Variants in ITGA4 observed in about 807,000 individuals in gnomAD.
ITGA4 encodes integrin subunit alpha 4.
Under a neutral mutation model 133.6 loss-of-function variants are expected in ITGA4, and 63 were observed. That is an observed-to-expected ratio of 0.47 (90% CI 0.38 to 0.58). The LOEUF (loss-of-function observed/expected upper bound fraction) is 0.58, where lower values mean the gene tolerates loss of function less well. Among genes scored for constraint, ITGA4 ranks in the 20% least tolerant of loss-of-function variants. ITGA4 has a pLI of 0.00. For missense variants in ITGA4, 1,076 were observed against 1,252.7 expected (o/e 0.86, Z 2.13); for synonymous variants, 483 against 438.0 (o/e 1.10, Z -1.28).
At chr2:181,497,175 T>A (rs1686173699) in intron 14 of ITGA4, among the ~76,000 whole-genome samples, 1 of 152,182 alleles carries the variant, frequency 6.6e-6, no homozygotes. Flanking sequence ...AGACACACAT[T>A]GAGTAGATGA....
chr2:181,531,925 CA>C (rs1686953606), intron 25 of ITGA4, 149 bp downstream of exon 25: 2 of 510,872 alleles, frequency 3.9e-6, no homozygotes, highest in South Asian at 7.5e-5. Flanking sequence ...GTATTTCTAT[CA>C]CTTCAACTAT....
chr2:181,511,364 A>T (rs186255352), intron 16 of ITGA4, among the ~76,000 whole-genome samples: 1 of 152,116 alleles, frequency 6.6e-6, no homozygotes, highest in Non-Finnish European at 1.5e-5. Flanking sequence ...AGCAACAGAA[A>T]ATTGAGAGGA....
chr2:181,475,113 C>G (rs201075106), intron 3 of ITGA4, 46 bp from the exon 4 acceptor site: 62 of 1,613,098 alleles, frequency 3.8e-5, no homozygotes, highest in Non-Finnish European at 4.8e-5. Context: ...ATCAGCTATC[C>G]TGGGTGCAGC....
At position 181,457,767 on chromosome 2, in the gene ITGA4, C is replaced by G; in HGVS notation, c.113C>G (p.Thr38Ser). Residue 38 changes from threonine to serine, a missense_variant, in exon 1 of 28, where the codon ACT becomes AGT. By Grantham distance (58) the Thr-to-Ser change is moderately conservative. Around this residue, in one of 4 missense-constraint regions of ITGA4, gnomAD observed 82 missense variants for 68.3 expected, o/e 1.20. Coordinates refer to ENST00000397033, the MANE Select transcript of ITGA4 (RefSeq NM_000885.6). The stretch of plus-strand genomic sequence containing the variant: ...ACCGGCCGCCCCTACAACGTGGACA[C>G]TGAGAGCGCGCTGCTTTACCAGGGC... ...VPTGRPYNVD[T>S]ESALLYQGPH... 3.1e-6 allele frequency: 5 copies of G among 1,613,706 alleles called. No individual in the cohort carries two copies. Among genetic ancestry groups the G allele is most frequent in the Non-Finnish European group, 4.2e-6 (5 of 1,179,974 alleles).
intron 9 of ITGA4, among the ~76,000 whole-genome samples, chr2:181,483,261 G>T (rs1448639273): frequency 6.6e-6 from 1 of 152,162 alleles, no homozygotes; most frequent in African/African-American, 2.4e-5. Context: ...GTGATAATTT[G>T]TGGTAGAAAC....
Position 181,457,782 on chromosome 2 carries a change from T to C in ITGA4, c.128T>C (p.Leu43Pro). 6.2e-7 allele frequency: 1 copy of C among 1,613,748 alleles called. No individual in the cohort carries two copies. Among genetic ancestry groups the C allele is most frequent in the Non-Finnish European group, 8.5e-7 (1 of 1,179,974 alleles). Residue 43 changes from leucine to proline, a missense_variant, in exon 1 of 28, where the codon CTT becomes CCT. By Grantham distance (98) the Leu-to-Pro change is moderately conservative (BLOSUM62 -3). Coordinates refer to ENST00000397033, the MANE Select transcript of ITGA4 (RefSeq NM_000885.6). Reference sequence around the variant, plus strand: ...AACGTGGACACTGAGAGCGCGCTGCTTTACCAGGGCCCCCACAACACGCTG... The same window carrying C: ...AACGTGGACACTGAGAGCGCGCTGCCTTACCAGGGCCCCCACAACACGCTG... ...PYNVDTESAL[L>P]YQGPHNTLFG...
At position 181,512,886 on chromosome 2, in the gene ITGA4, G is replaced by T. The variant is rs1686532895; in HGVS notation, c.1922+1111G>T. ...TATTTTTATGTATTTATCAAATGTT[G>T]TTATTTGTTCAATTATTAGAAGATG... On this transcript the variant is annotated intron_variant, in intron 17 of 27. Coordinates refer to ENST00000397033, the MANE Select transcript of ITGA4 (RefSeq NM_000885.6). Among the ~76,000 whole-genome samples the T allele has an allele frequency of 2.0e-5, 3 of 152,038 alleles. No individual in the cohort carries two copies. The South Asian group carries it at 6.2e-4, about 31-fold the overall frequency.
intron 2 of ITGA4, among the ~76,000 whole-genome samples, chr2:181,470,969 T>C (rs1685536642): frequency 6.6e-6 from 1 of 151,258 alleles, no homozygotes; most frequent in Non-Finnish European, 1.5e-5. Context: ...GATTCTAACC[T>C]GTAACCAGTA....
At chr2:181,529,746 A>G in intron 23 of ITGA4, 98 bp downstream of exon 23, 2 of 662,958 alleles carry the variant, frequency 3.0e-6, no homozygotes, top group Non-Finnish European at 5.3e-6. Flanking sequence ...GTGAAAATGG[A>G]TAATTGTTAA....
At position 181,534,816 on chromosome 2, in the gene ITGA4, G is replaced by A. The variant is rs778015486; in HGVS notation, c.2884G>A (p.Val962Ile). Reference sequence around the variant, plus strand: ...GTTTTATTTTTCTTAACTCACGTAGGTTCTACTGGAAGGACTACATCATCA... The same window carrying A: ...GTTTTATTTTTCTTAACTCACGTAGATTCTACTGGAAGGACTACATCATCA... ...ELNKDENVAH[V>I]LLEGLHHQRP... The change falls in exon 27 of 28, where the codon GTT (valine) becomes ATT (isoleucine). Residue 962 changes from valine to isoleucine, a missense_variant and splice_region_variant. Transcript: ENST00000397033. 6.3e-7 allele frequency: 1 copy of A among 1,583,660 alleles called. No homozygotes were observed. Among genetic ancestry groups the A allele is most frequent in the South Asian group, 1.2e-5 (1 of 84,690 alleles).
At chr2:181,470,292 A>AT (rs377497998) in intron 2 of ITGA4, among the ~76,000 whole-genome samples, 142 of 149,526 alleles carry the variant, frequency 9.5e-4, no homozygotes, top group African/African-American at 3.2e-3. Flanking sequence ...TTTTCTTGCA[A>AT]TTTTTTTTTT....
chr2:181,514,305 AG>A (rs1015079651), intron 17 of ITGA4, among the ~76,000 whole-genome samples: 21 of 152,230 alleles, frequency 1.4e-4, no homozygotes, highest in African/African-American at 4.8e-4. Context: ...ATAAGTAAAA[AG>A]GTTGACAAAT....
rs1686955669 is a variant in ITGA4 at position 181,532,022 on chromosome 2, C to T, written c.2784+246C>T. On this transcript the variant is annotated intron_variant, in intron 25 of 27. Transcript: ENST00000397033. Reference sequence around the variant, plus strand: ...AGGCACAGTGGCTCATGCCTGTAATCCCAGCACTTTGGGAGGCCAAGGCAG... The same window carrying T: ...AGGCACAGTGGCTCATGCCTGTAATTCCAGCACTTTGGGAGGCCAAGGCAG... Among the ~76,000 whole-genome samples, 3 of 152,106 alleles carry T rather than the reference C, an allele frequency of 2.0e-5. No homozygotes were observed. In the South Asian group the frequency reaches 6.2e-4, roughly 31 times the overall value.
chr2:181,481,463 C>G (rs529686638), intron 6 of ITGA4, 135 bp from the exon 7 acceptor site: 3 of 373,464 alleles, frequency 8.0e-6, no homozygotes, highest in South Asian at 5.3e-5. Context: ...TTGAGTATCT[C>G]TATGCTAAAT....
At chr2:181,524,031 C>T in intron 19 of ITGA4, 140 bp from the exon 20 acceptor site, 1 of 597,944 alleles carries the variant, frequency 1.7e-6, no homozygotes. Flanking sequence ...AATCTTATTG[C>T]CAAGGGAGGA....
Position 181,457,826 on chromosome 2 carries a change from C to T in ITGA4, c.172C>T (p.Leu58=), listed in dbSNP as rs763649216. ...HNTLFGYSVV[L]HSHGANRWLL... ...CACGCTGTTCGGCTACTCGGTCGTGCTGCACAGCCACGGGGCGAACCGATG... is the reference window on the plus strand; with the variant it reads ...CACGCTGTTCGGCTACTCGGTCGTGTTGCACAGCCACGGGGCGAACCGATG... Residue 58 remains leucine (L), a synonymous_variant, in exon 1 of 28, where the codon CTG becomes TTG. Transcript: ENST00000397033. 11 of 1,613,132 alleles carry T rather than the reference C, an allele frequency of 6.8e-6. No homozygotes were observed. Among genetic ancestry groups the T allele is most frequent in the Non-Finnish European group, 8.5e-6 (10 of 1,179,670 alleles).
At chr2:181,489,602 A>G (rs1484442938) in intron 10 of ITGA4, among the ~76,000 whole-genome samples, 2 of 152,178 alleles carry the variant, frequency 1.3e-5, no homozygotes, top group Non-Finnish European at 2.9e-5. Flanking sequence ...AAGCTGTACT[A>G]TTATTTTGTG....
At position 181,538,316 on chromosome 2, in the gene ITGA4, C is replaced by T; in HGVS notation, c.*2789C>T. On this transcript the variant is annotated 3_prime_UTR_variant, in exon 28 of 28. Coordinates refer to ENST00000397033, the MANE Select transcript of ITGA4 (RefSeq NM_000885.6). ...ACATACACCTAATAAGTATGGTACA[C>T]AATGCCAATGCCAAATACAAATTGA... The T allele has an allele frequency of 1.2e-6, 1 of 803,922 alleles. No homozygotes were observed. Among genetic ancestry groups the T allele is most frequent in the South Asian group, 1.5e-5 (1 of 66,872 alleles). The allele number at this position is 803,922 out of a possible 1,614,324, so 49.8% of individuals were successfully genotyped here.
chr2:181,509,855 A>G (rs1559051587), intron 16 of ITGA4, 48 bp downstream of exon 16: 1 of 1,393,384 alleles, frequency 7.2e-7, no homozygotes, highest in Non-Finnish European at 1.0e-6. Flanking sequence ...ATTTAACTAA[A>G]TTTTTAAAAT....
Sources: gnomAD v4.1 joint callset for allele counts (sites outside exome capture counted in the v4.1 genomes callset) on GRCh38, gnomAD v4.1.1 for gene constraint, gnomAD v4.1.1 regional missense constraint, MANE v1.5 for transcripts, NCBI Gene and HGNC (gene_info 2026-07-23, HGNC 2026-07-21) for gene names.